C4orf51: variants seen among roughly 807,000 people sequenced by gnomAD.
C4orf51 encodes chromosome 4 open reading frame 51.
C4orf51 carries 25 observed loss-of-function variants against 25.2 expected under a neutral mutation model. The ratio of observed to expected loss-of-function variants is 0.99; its 90% CI spans 0.72 to 1.39. The LOEUF (loss-of-function observed/expected upper bound fraction) is 1.39, where lower values mean the gene tolerates loss of function less well. Among genes scored for constraint, C4orf51 ranks in the 40% most tolerant of loss-of-function variants. C4orf51 has a pLI of 0.00. For missense variants in C4orf51, 252 were observed against 239.6 expected, an observed-to-expected ratio of 1.05 and a Z score of -0.34; for synonymous variants, 100 against 84.5, an observed-to-expected ratio of 1.18 and a Z score of -1.01.
At chr4:145,787,110 C>T in the C4orf51 span, among the ~76,000 whole-genome samples, 2 of 152,196 alleles carry the variant, frequency 1.3e-5, no homozygotes, top group East Asian at 3.8e-4. Context: ...TACACTCACC[C>T]AAAGATTTCT....
intron 2 of C4orf51, among the ~76,000 whole-genome samples, chr4:145,698,619 G>A (rs1730229570): frequency 6.6e-6 from 1 of 152,200 alleles, no homozygotes. Context: ...CAGATTTAAA[G>A]AGTCTGTTCT....
chr4:145,780,915 C>A, the C4orf51 span, among the ~76,000 whole-genome samples: 3 of 152,170 alleles, frequency 2.0e-5, no homozygotes, highest in African/African-American at 7.2e-5. Context: ...AAAATGCTCA[C>A]GCTGGGTGCA....
chr4:145,765,592 G>T lies in C4orf51; in HGVS notation n.167-5396G>T, dbSNP rs781521090. 1 of 1,613,926 alleles carries T rather than the reference G, an allele frequency of 6.2e-7. No individual in the cohort carries two copies. The highest frequency in any genetic ancestry group is 1.3e-5 in the African/African-American group (1 of 74,898). On this transcript the variant is annotated intron_variant and non_coding_transcript_variant, in intron 1 of 1. Coordinates refer to the C4orf51 transcript ENST00000510096. The surrounding 1 kb of genome is among the most constrained non-coding windows in gnomAD (Gnocchi z 4.7). ...CTGTTCAGTGAGGGCTGGCTCCCAG[G>T]CATGACAGAGATGACCAGCAGATTG...
intron 2 of C4orf51, among the ~76,000 whole-genome samples, chr4:145,720,840 C>T (rs1330842180): frequency 6.6e-6 from 1 of 152,160 alleles, no homozygotes; most frequent in Non-Finnish European, 1.5e-5. Flanking sequence ...AATCACTGCT[C>T]TCACCCTCCT....
At chr4:145,747,045 C>T (rs1341731183) in intron 1 of C4orf51, among the ~76,000 whole-genome samples, 7 of 151,872 alleles carry the variant, frequency 4.6e-5, no homozygotes, top group Non-Finnish European at 2.9e-5. Flanking sequence ...GATTTTTGTA[C>T]GTTGATTTTG....
chr4:145,685,927 A>C (rs1193144109), intron 1 of C4orf51, among the ~76,000 whole-genome samples: 1 of 152,226 alleles, frequency 6.6e-6, no homozygotes, highest in African/African-American at 2.4e-5. Context: ...ATCACAATGA[A>C]AATTAGAAAA....
At chr4:145,703,497 C>T (rs1277152934) in intron 2 of C4orf51, among the ~76,000 whole-genome samples, 8 of 152,140 alleles carry the variant, frequency 5.3e-5, no homozygotes, top group South Asian at 2.1e-4. Context: ...CACACGGACG[C>T]GCATGAAACT....
downstream of C4orf51, among the ~76,000 whole-genome samples, chr4:145,734,086 A>C (rs1039776011): frequency 6.6e-6 from 1 of 152,258 alleles, no homozygotes; most frequent in African/African-American, 2.4e-5. Context: ...AGGTTGCAAC[A>C]GTAACCTGGC....
chr4:145,691,994 G>C, intron 1 of C4orf51, among the ~76,000 whole-genome samples: 1 of 85,294 alleles, frequency 1.2e-5, no homozygotes, highest in African/African-American at 6.7e-5. Context: ...AATGTAAGTT[G>C]ATATTGCTCT....
At chr4:145,741,364 A>G (rs1391392331) in intron 1 of C4orf51, among the ~76,000 whole-genome samples, 2 of 151,012 alleles carry the variant, frequency 1.3e-5, no homozygotes, top group Non-Finnish European at 3.0e-5. Context: ...ACTTTTTTGG[A>G]CTCTTTGTAT....
chr4:145,698,931 A>T (rs11100895), intron 2 of C4orf51, among the ~76,000 whole-genome samples: 88,590 of 151,680 alleles, frequency 0.58, 26,355 homozygotes, highest in African/African-American at 0.69. Context: ...GAATATGCCC[A>T]GCCCCACCTT....
chr4:145,720,160 G>A (rs1731652347), intron 2 of C4orf51, among the ~76,000 whole-genome samples: 1 of 152,074 alleles, frequency 6.6e-6, no homozygotes, highest in Non-Finnish European at 1.5e-5. Flanking sequence ...GGGTCTTCTG[G>A]TCTGTCTAAG....
At chr4:145,719,779 C>T (rs61385627) in intron 2 of C4orf51, among the ~76,000 whole-genome samples, 32,086 of 151,884 alleles carry the variant, frequency 0.21, 3,553 homozygotes, top group Middle Eastern at 0.29. Context: ...ACACAGTTTC[C>T]GTGATGCGCT....
intron 1 of C4orf51, among the ~76,000 whole-genome samples, chr4:145,683,106 G>A (rs1728934295): frequency 6.6e-6 from 1 of 151,958 alleles, no homozygotes; most frequent in African/African-American, 2.4e-5. Context: ...CTATATATGA[G>A]CAATAAGCAA....
At chr4:145,701,734 T>G (rs941109074) in intron 2 of C4orf51, among the ~76,000 whole-genome samples, 155 of 152,092 alleles carry the variant, frequency 1.0e-3, no homozygotes, top group African/African-American at 3.4e-3. Context: ...ACTGTTGTAG[T>G]TATTGACAGC....
chr4:145,685,424 C>A (rs544069258), intron 1 of C4orf51, among the ~76,000 whole-genome samples: 3 of 152,154 alleles, frequency 2.0e-5, no homozygotes, highest in African/African-American at 7.2e-5. Flanking sequence ...CTAGGGGCAT[C>A]GGCAAGACTC....
intron 1 of C4orf51, among the ~76,000 whole-genome samples, chr4:145,682,214 C>T (rs1728879048): frequency 6.6e-6 from 1 of 150,668 alleles, no homozygotes; most frequent in Admixed American, 6.7e-5. Flanking sequence ...TTTTTGGAAC[C>T]TCAGAAATGT....
the C4orf51 span, chr4:145,776,090 A>G: frequency 1.0e-6 from 1 of 1,003,840 alleles, no homozygotes; most frequent in Admixed American, 2.4e-5. Flanking sequence ...GACAATGGTA[A>G]TGCCTAGGAA....
At chr4:145,698,851 A>G (rs951626002) in intron 2 of C4orf51, among the ~76,000 whole-genome samples, 7 of 152,212 alleles carry the variant, frequency 4.6e-5, no homozygotes, top group African/African-American at 1.7e-4. Flanking sequence ...AAGCCAAGCC[A>G]TCGCATCCCC....
Sources: gnomAD v4.1 joint callset for allele counts (sites outside exome capture counted in the v4.1 genomes callset) on GRCh38, gnomAD v4.1.1 for gene constraint, Gnocchi (gnomAD v3.1) non-coding constraint, MANE v1.5 for transcripts, NCBI Gene and HGNC (gene_info 2026-07-23, HGNC 2026-07-21) for gene names.